Variants in IL1RL1 observed in about 807,000 individuals in gnomAD.
IL1RL1 encodes the protein interleukin-1 receptor-like 1.
In IL1RL1, 32 loss-of-function variants were observed where a neutral mutation model predicts 50.9. That is an observed-to-expected ratio of 0.63 (90% CI 0.47 to 0.84). The LOEUF (loss-of-function observed/expected upper bound fraction) is 0.84, where lower values mean the gene tolerates loss of function less well. IL1RL1 is among the 40% of genes least tolerant of loss of function. The pLI is 0.00. For missense variants in IL1RL1, 773 were observed against 662.9 expected (o/e 1.17, Z -1.82); for synonymous variants, 275 against 236.0 (o/e 1.17, Z -1.51).
Position 102,315,398 on chromosome 2 carries a change from A to T in IL1RL1, c.-150+3775A>T, listed in dbSNP as rs546575699. ...CTGCAATCTTGGCTGAAAGAACCTC[A>T]CACTATACTTGAATGTCTTTGATTT... On this transcript the variant is annotated intron_variant, in intron 1 of 10. Transcript: ENST00000233954. Among the ~76,000 whole-genome samples the T allele has an allele frequency of 1.2e-4, 18 of 152,290 alleles. No individual in the cohort carries two copies. In the East Asian group the frequency reaches 1.5e-3, roughly 13 times the overall value.
rs748839614 is a variant in IL1RL1, at chr2:102,343,352, T to G, written c.907T>G (p.Cys303Gly). Residue 303 changes from cysteine to glycine, a missense_variant, in exon 8 of 11, where the codon TGT becomes GGT. Transcript: ENST00000233954. ...AGAGGATTTATTGCTGCAGTACGAC[T>G]GTCTGGCCCTGAATTTGCATGGCTT... ...KEEDLLLQYD[C>G]LALNLHGLRR... 3 of 1,614,192 alleles carry G rather than the reference T, an allele frequency of 1.9e-6. No individual in the cohort carries two copies. The highest frequency in any genetic ancestry group is 3.3e-5 in the Admixed American group (2 of 60,026).
intron 1 of IL1RL1, among the ~76,000 whole-genome samples, chr2:102,332,182 G>A (rs1677195441): frequency 6.6e-6 from 1 of 152,162 alleles, no homozygotes; most frequent in Admixed American, 6.5e-5. Flanking sequence ...ATTGCCTTCT[G>A]GAGGTCATAT....
At chr2:102,316,719 C>T (rs1676684229) in intron 1 of IL1RL1, among the ~76,000 whole-genome samples, 1 of 152,130 alleles carries the variant, frequency 6.6e-6, no homozygotes, top group Non-Finnish European at 1.5e-5. Flanking sequence ...CATTTCCCTT[C>T]TGTTACATGA....
At position 102,343,964 on chromosome 2, in the gene IL1RL1, T is replaced by C. The variant is rs557894978; in HGVS notation, c.970+549T>C. The C allele has an allele frequency of 2.2e-4, 210 of 933,828 alleles. No individual in the cohort carries two copies. The African/African-American group carries it at 3.1e-3, about 14-fold the overall frequency. The allele number at this position is 933,828 out of a possible 1,614,324, so 57.8% of individuals were successfully genotyped here. The stretch of plus-strand genomic sequence containing the variant: ...AGACATTTGTTAGGCCATTCTTGCA[T>C]TGATATAAAGAAATACCTGAGACTG... On this transcript the variant is annotated intron_variant, in intron 8 of 10. Transcript: ENST00000233954.
chr2:102,350,146 C>T (rs919415661), intron 10 of IL1RL1, among the ~76,000 whole-genome samples: 2 of 152,228 alleles, frequency 1.3e-5, no homozygotes, highest in Non-Finnish European at 2.9e-5. Context: ...TCTCAAGGCT[C>T]TCTTCTTCCC....
At chr2:102,323,273 A>ATATATCGT (rs1303334375) in intron 1 of IL1RL1, among the ~76,000 whole-genome samples, 1 of 48,500 alleles carries the variant, frequency 2.1e-5, no homozygotes, top group Non-Finnish European at 4.7e-5. Context: ...ATATATATAT[A>ATATATCGT]GTGTGTGTGT....
chr2:102,345,987 A>G lies in IL1RL1; in HGVS notation c.971-1958A>G, dbSNP rs1405840543. On this transcript the variant is annotated intron_variant, in intron 8 of 10. Coordinates refer to ENST00000233954, the MANE Select transcript of IL1RL1 (RefSeq NM_016232.5). Reference sequence around the variant, plus strand: ...AATTATCTTCGTGTTACAGGTGTTTAATGATTTTGCTCCTTCTAGCTTATT... The same window carrying G: ...AATTATCTTCGTGTTACAGGTGTTTGATGATTTTGCTCCTTCTAGCTTATT... The G allele has an allele frequency of 4.1e-6, 4 of 985,282 alleles. No individual in the cohort carries two copies. In the East Asian group the frequency reaches 4.5e-4, roughly 112 times the overall value. 61.0% of individuals were successfully genotyped at this position (985,282 alleles called of 1,614,324 possible).
chr2:102,316,304 C>T (rs1176666661), intron 1 of IL1RL1, among the ~76,000 whole-genome samples: 3 of 152,180 alleles, frequency 2.0e-5, no homozygotes, highest in African/African-American at 7.2e-5. Context: ...TTAAATCTTT[C>T]CATAAACCAC....
chr2:102,340,252 G>A lies in IL1RL1; in HGVS notation c.427G>A (p.Ala143Thr), dbSNP rs1383762901. 3.8e-6 allele frequency: 6 copies of A among 1,598,296 alleles called. No individual in the cohort carries two copies. The Admixed American group carries it at 5.6e-5, about 15-fold the overall frequency. Residue 143 changes from alanine (A) to threonine (T), a missense_variant, in exon 4 of 11, where the codon GCA becomes ACA. Coordinates refer to ENST00000233954, the MANE Select transcript of IL1RL1 (RefSeq NM_016232.5). ...CPTIDLYNWT[A>T]PLEWFKNCQA... ...TACCATTGACCTCTACAACTGGACAGCACCTCTTGAGTGGTTTAAGGTAAG... is the reference window on the plus strand; with the variant it reads ...TACCATTGACCTCTACAACTGGACAACACCTCTTGAGTGGTTTAAGGTAAG...
intron 1 of IL1RL1, among the ~76,000 whole-genome samples, chr2:102,327,479 G>T (rs1401401083): frequency 2.6e-5 from 4 of 152,048 alleles, no homozygotes; most frequent in Non-Finnish European, 5.9e-5. Flanking sequence ...TCAAAAGTTA[G>T]CAGAAGGCAA....
chr2:102,312,005 AT>A lies in IL1RL1; in HGVS notation c.-150+383del, dbSNP rs1559592254. Among the ~76,000 whole-genome samples the A allele has an allele frequency of 2.4e-3, 51 of 21,614 alleles. 2 individuals carry two copies. Among genetic ancestry groups the A allele is most frequent in the African/African-American group, 0.013 (41 of 3,094 alleles). The allele number at this position is 21,614 out of a possible 152,430, so 14.2% of individuals were successfully genotyped here. A position where few individuals can be genotyped will look rare whatever the true frequency, so the allele number is the denominator to read the frequency against. ...AATATATATTATATATAATATATTT[AT>A]ATATATTATATATAATATATATTAT... On this transcript the variant is annotated intron_variant, in intron 1 of 10. Coordinates refer to ENST00000233954, the MANE Select transcript of IL1RL1 (RefSeq NM_016232.5).
At chr2:102,335,762 A>G (rs940847659) in intron 1 of IL1RL1, among the ~76,000 whole-genome samples, 4 of 152,178 alleles carry the variant, frequency 2.6e-5, no homozygotes, top group African/African-American at 9.7e-5. Context: ...TGGGATACCA[A>G]ATGTAAAAGA....
intron 1 of IL1RL1, among the ~76,000 whole-genome samples, chr2:102,333,538 A>T (rs1343004551): frequency 6.6e-6 from 1 of 152,192 alleles, no homozygotes; most frequent in Non-Finnish European, 1.5e-5. Context: ...TTCTGGAGAC[A>T]TGAAGCTTTT....
Position 102,351,549 on chromosome 2 carries a change from A to T in IL1RL1, c.1299A>T (p.Ala433=). 6.2e-7 allele frequency: 1 copy of T among 1,613,910 alleles called. No individual in the cohort carries two copies. The highest frequency in any genetic ancestry group is 8.5e-7 in the Non-Finnish European group (1 of 1,179,816). ...DMLPGEDVVT[A]VETNIRKSRR... is the part of the protein sequence containing the mutation. ...TTGTATGACTAGATGTAGTCACTGC[A>T]GTGGAAACCAACATACGAAAGAGCA... Residue 433 remains alanine (A), a synonymous_variant, in exon 11 of 11, where the codon GCA becomes GCT. Coordinates refer to ENST00000233954, the MANE Select transcript of IL1RL1 (RefSeq NM_016232.5).
intron 1 of IL1RL1, among the ~76,000 whole-genome samples, chr2:102,325,306 GA>G (rs1676963855): frequency 1.3e-5 from 2 of 152,140 alleles, no homozygotes; most frequent in African/African-American, 4.8e-5. Context: ...CAGTTAGAAG[GA>G]AAACTAACAA....
intron 1 of IL1RL1, among the ~76,000 whole-genome samples, chr2:102,317,046 G>A (rs1461443681): frequency 2.0e-5 from 3 of 152,142 alleles, no homozygotes; most frequent in Admixed American, 6.5e-5. Context: ...TAAAATCAGA[G>A]CAATTTCTTT....
At chr2:102,334,162 G>T (rs546796568) in intron 1 of IL1RL1, among the ~76,000 whole-genome samples, 4 of 152,184 alleles carry the variant, frequency 2.6e-5, no homozygotes, top group Non-Finnish European at 4.4e-5. Context: ...TCTTCATACT[G>T]TTTTCCTTAG....
intron 1 of IL1RL1, among the ~76,000 whole-genome samples, chr2:102,322,699 G>T (rs1676869263): frequency 6.6e-6 from 1 of 152,108 alleles, no homozygotes; most frequent in Non-Finnish European, 1.5e-5. Context: ...TACATATTCA[G>T]TTGAATGAGA....
chr2:102,342,259 C>T lies in IL1RL1; in HGVS notation c.647C>T (p.Ala216Val). ...QGFSLFPVIG[A>V]PAQNEIKEVE... The stretch of plus-strand genomic sequence containing the variant: ...TTTTCTCTGTTTCCAGTAATCGGAG[C>T]CCCTGCACAAAATGAAATAAAGGAA... The change falls in exon 6 of 11, where the codon GCC (alanine) becomes GTC (valine). Residue 216 changes from alanine (A) to valine (V), a missense_variant. Physicochemically the swap from Ala to Val is moderately conservative, Grantham distance 64. Transcript: ENST00000233954. 1 of 1,611,510 alleles carries T rather than the reference C, an allele frequency of 6.2e-7. No homozygotes were observed.
Sources: allele counts gnomAD v4.1 joint callset (sites outside exome capture counted in the v4.1 genomes callset), GRCh38; gene constraint gnomAD v4.1.1; transcripts MANE v1.5; gene names NCBI Gene and HGNC (gene_info 2026-07-23, HGNC 2026-07-21).